Variants in IGSF10 observed in about 807,000 individuals in gnomAD.
IGSF10 encodes the protein calvaria mechanical force protein 608.
In IGSF10, 126 loss-of-function variants were observed where a neutral mutation model predicts 128.2. The observed-to-expected ratio is 0.98, with a 90% CI of 0.85 to 1.14. IGSF10 has a LOEUF of 1.14. IGSF10 is among the 50% of genes most tolerant of loss of function. The pLI, the probability that IGSF10 is intolerant of heterozygous loss-of-function variation, is 0.00. For synonymous variants in IGSF10, 1,185 were observed against 1,146.2 expected (o/e 1.03, Z -0.68); for missense variants, 3,295 against 3,149.8 (o/e 1.05, Z -1.10).
chr3:151,521,260 T>C, the IGSF10 span, among the ~76,000 whole-genome samples: 1 of 151,870 alleles, frequency 6.6e-6, no homozygotes, highest in South Asian at 2.1e-4. Context: ...TAGACTCCCA[T>C]ACAGTAATAG....
At chr3:151,438,635 T>C in intron 7 of IGSF10, 38 bp from the exon 8 acceptor site, 1 of 1,525,042 alleles carries the variant, frequency 6.6e-7, no homozygotes, top group Non-Finnish European at 9.0e-7. Flanking sequence ...GTGCAGCTGT[T>C]AGCAATGAGG....
At chr3:151,586,172 C>A in the IGSF10 span, among the ~76,000 whole-genome samples, 1 of 152,044 alleles carries the variant, frequency 6.6e-6, no homozygotes, top group Non-Finnish European at 1.5e-5. Context: ...ATTGCCCAGG[C>A]TGGTCTCAAA....
the IGSF10 span, among the ~76,000 whole-genome samples, chr3:151,469,535 G>A: frequency 5.3e-5 from 8 of 152,190 alleles, no homozygotes; most frequent in Middle Eastern, 3.4e-3. Context: ...TGATTCTCCT[G>A]AAGCAGAATT....
upstream of IGSF10, among the ~76,000 whole-genome samples, chr3:151,465,084 C>A (rs557420528): frequency 8.5e-5 from 13 of 152,224 alleles, no homozygotes; most frequent in African/African-American, 2.9e-4. Flanking sequence ...ACCTAGGAGG[C>A]AATTATAATA....
downstream of IGSF10, chr3:151,435,105 T>A (rs1174033885): frequency 6.6e-6 from 1 of 151,728 alleles, no homozygotes; most frequent in African/African-American, 2.4e-5. Context: ...ATGCATTCTT[T>A]TGCATTAAGA....
At chr3:151,562,775 C>G in the IGSF10 span, among the ~76,000 whole-genome samples, 430 of 152,142 alleles carry the variant, frequency 2.8e-3, 2 homozygotes, top group African/African-American at 9.9e-3. Flanking sequence ...CACCAATGCA[C>G]CATGTCCAAG....
At chr3:151,544,222 T>C in the IGSF10 span, among the ~76,000 whole-genome samples, 1 of 151,952 alleles carries the variant, frequency 6.6e-6, no homozygotes, top group Non-Finnish European at 1.5e-5. Context: ...CAAATGTCTT[T>C]TAATATTTCC....
rs1352822305 is a variant in IGSF10 at position 151,445,077 on chromosome 3, A to G, written c.4904T>C (p.Leu1635Pro). 1 of 1,614,224 alleles carries G rather than the reference A, an allele frequency of 6.2e-7. No individual in the cohort carries two copies. The highest frequency in any genetic ancestry group is 8.5e-7 in the Non-Finnish European group (1 of 1,180,034). The change falls in exon 6 of 8, where the codon CTT (leucine) becomes CCT (proline). Residue 1635 changes from leucine (L) to proline (P), a missense_variant. By Grantham distance (98) the Leu-to-Pro change is moderately conservative (BLOSUM62 -3). Transcript: ENST00000282466. ...ATACCTAGACAAAGAGTCAAAGGGA[A>G]GGAGTTTGGAAGTTGTTGCTTCTTG... ...PVQEATTSKL[L>P]PFDSLSRYIF... is the part of the protein sequence containing the mutation.
chr3:151,563,192 C>T, the IGSF10 span, among the ~76,000 whole-genome samples: 31 of 152,148 alleles, frequency 2.0e-4, no homozygotes, highest in Admixed American at 5.2e-4. Flanking sequence ...TCTCACCCTG[C>T]GGCCCTCTAG....
At chr3:151,572,604 T>C in the IGSF10 span, among the ~76,000 whole-genome samples, 2 of 152,202 alleles carry the variant, frequency 1.3e-5, no homozygotes, top group Non-Finnish European at 2.9e-5. Context: ...ATTTGATTCT[T>C]CTCTCTTCTC....
At position 151,446,254 on chromosome 3, in the gene IGSF10, G is replaced by C. The variant is rs538777590; in HGVS notation, c.3727C>G (p.Pro1243Ala). 20 of 1,613,988 alleles carry C rather than the reference G, an allele frequency of 1.2e-5. No individual in the cohort carries two copies. Among genetic ancestry groups the C allele is most frequent in the South Asian group, 2.2e-5 (2 of 91,074 alleles). The change falls in exon 6 of 8, where the codon CCC becomes GCC. Residue 1243 changes from proline (P) to alanine (A), a missense_variant. By Grantham distance (27) the Pro-to-Ala change is conservative. Transcript: ENST00000282466. ...VMLPKTSPAL[P>A]RDKVSPFHFT... ...TGGAAAGGGGAGACTTTGTCTCTGG[G>C]TAAAGCAGGAGATGTTTTAGGAAGC...
chr3:151,485,783 C>T, the IGSF10 span, among the ~76,000 whole-genome samples: 2 of 152,154 alleles, frequency 1.3e-5, no homozygotes, highest in Non-Finnish European at 2.9e-5. Context: ...GCCTGCCTTA[C>T]AAGAGCTCCT....
At chr3:151,607,649 T>G in the IGSF10 span, among the ~76,000 whole-genome samples, 1 of 152,074 alleles carries the variant, frequency 6.6e-6, no homozygotes, top group African/African-American at 2.4e-5. Flanking sequence ...CGGTGGCTCA[T>G]GCCTGTAATC....
At chr3:151,467,451 T>G in the IGSF10 span, among the ~76,000 whole-genome samples, 29 of 152,308 alleles carry the variant, frequency 1.9e-4, no homozygotes, top group African/African-American at 6.5e-4. Flanking sequence ...CAGGGCTTCC[T>G]GACCTTTACC....
the IGSF10 span, among the ~76,000 whole-genome samples, chr3:151,606,355 G>A: frequency 3.9e-5 from 6 of 152,076 alleles, no homozygotes; most frequent in Admixed American, 1.3e-4. Flanking sequence ...TAAGCTTTTC[G>A]TTATGCAAAT....
Position 151,438,121 on chromosome 3 carries a change from T to C in IGSF10, c.6440A>G (p.Asn2147Ser), listed in dbSNP as rs767090278. 6.2e-7 allele frequency: 1 copy of C among 1,614,204 alleles called. No homozygotes were observed. ...ITAAPRIRQS[N>S]KTNKRIKAGD... ...AGCTTTGATTCTCTTGTTGGTTTTG[T>C]TACTCTGCCTTATCCGGGGAGCAGC... is the stretch of plus-strand genomic sequence containing the variant. Residue 2147 changes from asparagine (N) to serine (S), a missense_variant, in exon 8 of 8, where the codon AAC (asparagine) becomes AGC (serine). Coordinates refer to ENST00000282466, the MANE Select transcript of IGSF10 (RefSeq NM_178822.5).
the IGSF10 span, among the ~76,000 whole-genome samples, chr3:151,584,571 G>T: frequency 1.3e-5 from 2 of 152,158 alleles, no homozygotes; most frequent in Non-Finnish European, 2.9e-5. Context: ...CAGTGATGTG[G>T]ATGCACATGA....
At chr3:151,444,006 G>GA (rs1481136278) in intron 6 of IGSF10, 122 bp from the exon 7 acceptor site, 7 of 760,556 alleles carry the variant, frequency 9.2e-6, no homozygotes, top group Non-Finnish European at 1.4e-5. Context: ...CAGCCCTATG[G>GA]CTCACTTGTA....
At chr3:151,450,752 C>A (rs1402136766) in intron 5 of IGSF10, among the ~76,000 whole-genome samples, 3 of 151,816 alleles carry the variant, frequency 2.0e-5, no homozygotes, top group Admixed American at 2.0e-4. Flanking sequence ...CAAAATTAGC[C>A]AGGCATGGTG....
Sources: allele counts gnomAD v4.1 joint callset (sites outside exome capture counted in the v4.1 genomes callset), GRCh38; gene constraint gnomAD v4.1.1; transcripts MANE v1.5; gene names NCBI Gene and HGNC (gene_info 2026-07-23, HGNC 2026-07-21).